The following IPCEF1 variants were observed in gnomAD, a reference collection of about 807,000 sequenced individuals.
IPCEF1 encodes interactor protein for cytohesin exchange factors 1.
IPCEF1 carries 31 observed loss-of-function variants against 50.9 expected under a neutral mutation model. That is an observed-to-expected ratio of 0.61 (90% CI 0.46 to 0.82). IPCEF1 has a LOEUF of 0.82. Ranked by LOEUF, IPCEF1 falls within the 40% of genes least tolerant of loss-of-function variation. IPCEF1 has a pLI of 0.00. For synonymous variants in IPCEF1, 181 were observed against 192.0 expected (o/e 0.94, Z 0.47); for missense variants, 458 against 514.0 (o/e 0.89, Z 1.05).
intron 5 of IPCEF1, among the ~76,000 whole-genome samples, chr6:154,224,161 G>C (rs1779074603): frequency 6.6e-6 from 1 of 152,192 alleles, no homozygotes; most frequent in South Asian, 2.1e-4. Context: ...TGGTTATTGG[G>C]AGATGAGTAA....
In IPCEF1 at chr6:154,303,843, C is replaced by T. The variant is rs946846668; in HGVS notation, c.-61-14087G>A. 7.2e-5 allele frequency among the ~76,000 whole-genome samples: 11 copies of T among 152,314 alleles called. No individual in the cohort carries two copies. In the South Asian group the frequency reaches 1.0e-3, roughly 14 times the overall value. Reference sequence around the variant, plus strand: ...GGCTGAGTCAGGACAATTGCTTGAGCCCGGGAGGTCAAGGCTGCAGTGAGT... The same window carrying T: ...GGCTGAGTCAGGACAATTGCTTGAGTCCGGGAGGTCAAGGCTGCAGTGAGT... On this transcript the variant is annotated intron_variant, in intron 1 of 11. Transcript: ENST00000367220.
At chr6:154,323,190 T>A (rs1000109110) in intron 1 of IPCEF1, among the ~76,000 whole-genome samples, 1 of 151,940 alleles carries the variant, frequency 6.6e-6, no homozygotes, top group Admixed American at 6.6e-5. Flanking sequence ...TAGCCCCAGA[T>A]CTCCACGTGC....
Position 154,155,887 on chromosome 6 carries a change from T to C in IPCEF1, c.*3941A>G, listed in dbSNP as rs917283242. On this transcript the variant is annotated 3_prime_UTR_variant, in exon 12 of 12. Coordinates refer to ENST00000367220, the MANE Select transcript of IPCEF1 (RefSeq NM_001130700.2). ...CTTTTCAAAAGACTTAAAAATATTT[T>C]TTCTTTGAATCTGTTTCATCTCTGT... 1 of 152,250 alleles carries C rather than the reference T, an allele frequency of 6.6e-6. No homozygotes were observed. The highest frequency in any genetic ancestry group is 1.5e-5 in the Non-Finnish European group (1 of 68,038). The allele number at this position is 152,250 out of a possible 1,614,324, so 9.4% of individuals were successfully genotyped here.
rs80142397 is a variant in IPCEF1 at position 154,247,586 on chromosome 6, G to A, written c.37-98C>T. 5,523 of 980,548 alleles carry A rather than the reference G, an allele frequency of 5.6e-3. 41 individuals are homozygous for A. Among genetic ancestry groups the A allele is most frequent in the Non-Finnish European group, 5.7e-3 (3,688 of 642,334 alleles). 60.7% of individuals were successfully genotyped at this position (980,548 alleles called of 1,614,324 possible). ...GAGGAGGTGGCAGTGTTTATGAGCA[G>A]GATGGAATCTAAAAAAAAACTCTCC... On this transcript the variant is annotated intron_variant, in intron 3 of 11. Coordinates refer to ENST00000367220, the MANE Select transcript of IPCEF1 (RefSeq NM_001130700.2).
intron 3 of IPCEF1, among the ~76,000 whole-genome samples, chr6:154,256,261 C>A (rs563082797): frequency 1.3e-5 from 2 of 152,274 alleles, no homozygotes; most frequent in South Asian, 4.2e-4. Context: ...AATCATCTCT[C>A]TCTGGTCTCT....
chr6:154,318,192 G>A (rs149315468), intron 1 of IPCEF1, among the ~76,000 whole-genome samples: 13 of 152,282 alleles, frequency 8.5e-5, no homozygotes, highest in Non-Finnish European at 1.6e-4. Flanking sequence ...TGAGAGTAGA[G>A]GGTGGGGGGA....
intron 3 of IPCEF1, among the ~76,000 whole-genome samples, chr6:154,263,206 C>T (rs1781647579): frequency 6.7e-6 from 1 of 148,684 alleles, no homozygotes; most frequent in South Asian, 2.1e-4. Context: ...CACAGGACTC[C>T]CTTTTAGCAT....
At chr6:154,223,725 G>T (rs911345335) in intron 5 of IPCEF1, among the ~76,000 whole-genome samples, 2 of 152,190 alleles carry the variant, frequency 1.3e-5, no homozygotes, top group African/African-American at 4.8e-5. Context: ...CCACTTACTG[G>T]TTGTTGTGAC....
At chr6:154,199,564 C>A (rs997773883) in intron 10 of IPCEF1, 104 bp downstream of exon 10, 2 of 1,303,088 alleles carry the variant, frequency 1.5e-6, no homozygotes, top group African/African-American at 3.0e-5. Flanking sequence ...ATTATTGAAT[C>A]ATCATTCATG....
At chr6:154,340,451 A>G (rs1254593687) in intron 1 of IPCEF1, among the ~76,000 whole-genome samples, 1 of 151,816 alleles carries the variant, frequency 6.6e-6, no homozygotes, top group African/African-American at 2.4e-5. Flanking sequence ...AGGTTTTGCC[A>G]TGTTGGCCAG....
chr6:154,306,449 C>A (rs765082386), intron 1 of IPCEF1, among the ~76,000 whole-genome samples: 13 of 152,130 alleles, frequency 8.5e-5, no homozygotes, highest in Non-Finnish European at 1.6e-4. Flanking sequence ...TGTTGCGAGG[C>A]TGGCCTCGAA....
intron 11 of IPCEF1, among the ~76,000 whole-genome samples, chr6:154,163,117 T>C (rs1799156633): frequency 6.6e-6 from 1 of 152,140 alleles, no homozygotes; most frequent in Admixed American, 6.5e-5. Context: ...TTCAGAACCT[T>C]CCAGAGGGTC....
rs1469409749 is a variant in IPCEF1 at position 154,246,686 on chromosome 6, T to A, written c.151A>T (p.Lys51Ter). 6.2e-7 allele frequency: 1 copy of A among 1,614,020 alleles called. No homozygotes were observed. The highest frequency in any genetic ancestry group is 8.5e-7 in the Non-Finnish European group (1 of 1,180,006). Residue 51 changes from lysine (K) to a stop codon, truncating the protein, a stop_gained, in exon 5 of 12, where the codon AAG becomes TAG. Coordinates refer to ENST00000367220, the MANE Select transcript of IPCEF1 (RefSeq NM_001130700.2). LOFTEE classifies it high-confidence loss of function. ...GHADCQGWLY[K>*]KKEKGSFLSN... ...AGGAAACTTCCCTTTTCCTTTTTCT[T>A]ATACAGCCACCCTTGGCAGTCAGCA...
At chr6:154,313,733 C>CT (rs1272705373) in intron 1 of IPCEF1, among the ~76,000 whole-genome samples, 4 of 151,584 alleles carry the variant, frequency 2.6e-5, no homozygotes, top group African/African-American at 9.7e-5. Context: ...TCTTCTGGTT[C>CT]TTTTTTTTGT....
chr6:154,320,192 A>G (rs2128686830), intron 1 of IPCEF1, among the ~76,000 whole-genome samples: 1 of 152,370 alleles, frequency 6.6e-6, no homozygotes, highest in Admixed American at 6.5e-5. Flanking sequence ...CCTGAATTAT[A>G]AATCCTAGAC....
chr6:154,207,725 C>T (rs1437439613), intron 9 of IPCEF1, among the ~76,000 whole-genome samples: 1 of 152,128 alleles, frequency 6.6e-6, no homozygotes, highest in Admixed American at 6.5e-5. Context: ...TTTATTTTTC[C>T]TTATTGCTTC....
At chr6:154,196,598 A>AC (rs1776641855) in intron 10 of IPCEF1, among the ~76,000 whole-genome samples, 1 of 152,214 alleles carries the variant, frequency 6.6e-6, no homozygotes, top group South Asian at 2.1e-4. Flanking sequence ...CCACATTGTC[A>AC]GCAGGTAGTG....
chr6:154,209,865 A>G (rs746960340), intron 9 of IPCEF1, among the ~76,000 whole-genome samples: 14 of 152,182 alleles, frequency 9.2e-5, no homozygotes, highest in Non-Finnish European at 1.8e-4. Context: ...ACGATTTCCA[A>G]TATATTTCTT....
At chr6:154,237,895 A>G (rs1562559799) in intron 5 of IPCEF1, among the ~76,000 whole-genome samples, 1 of 152,196 alleles carries the variant, frequency 6.6e-6, no homozygotes, top group Non-Finnish European at 1.5e-5. Context: ...TATGCACTAT[A>G]AATATCAATT....
Sources: gnomAD v4.1 joint callset for allele counts (sites outside exome capture counted in the v4.1 genomes callset) on GRCh38, gnomAD v4.1.1 for gene constraint, MANE v1.5 for transcripts, NCBI Gene and HGNC (gene_info 2026-07-23, HGNC 2026-07-21) for gene names.